The following DLG5 variants were observed in gnomAD, a reference collection of about 807,000 sequenced individuals.
The protein encoded by DLG5 is discs large MAGUK scaffold protein 5, also known as disks large homolog 5.
In DLG5, 48 loss-of-function variants were observed where a neutral mutation model predicts 189.8. The ratio of observed to expected loss-of-function variants is 0.25; its 90% confidence interval spans 0.20 to 0.32. The LOEUF is 0.32. Among genes scored for constraint, DLG5 ranks in the 10% least tolerant of loss-of-function variants. The pLI is 1.00. For missense variants in DLG5, 2,160 were observed against 2,544.7 expected, an observed-to-expected ratio of 0.85 and a Z score of 3.25; for synonymous variants, 1,016 against 1,054.1, an observed-to-expected ratio of 0.96 and a Z score of 0.70.
intron 1 of DLG5, among the ~76,000 whole-genome samples, chr10:77,924,811 T>C (rs1229382240): frequency 6.6e-6 from 1 of 151,124 alleles, no homozygotes; most frequent in Non-Finnish European, 1.5e-5. Flanking sequence ...ACCAATGAAA[T>C]GACCTGCTGT....
chr10:77,900,719 G>A (rs186685943), intron 1 of DLG5, among the ~76,000 whole-genome samples: 5 of 152,208 alleles, frequency 3.3e-5, no homozygotes, highest in Non-Finnish European at 5.9e-5. Context: ...GGCATATCAC[G>A]AGGTCAGGAG....
chr10:77,864,202 A>T (rs930528074), intron 2 of DLG5, among the ~76,000 whole-genome samples: 1 of 152,006 alleles, frequency 6.6e-6, no homozygotes, highest in Non-Finnish European at 1.5e-5. Context: ...CCTCACTGTC[A>T]TGCTCCCACT....
chr10:77,894,634 CCT>C (rs1564581088), intron 1 of DLG5, among the ~76,000 whole-genome samples: 1 of 150,418 alleles, frequency 6.6e-6, no homozygotes, highest in Non-Finnish European at 1.5e-5. Context: ...TGGAAGCAGC[CCT>C]CTCTCTGCTG....
At chr10:77,857,403 G>A (rs959223030) in intron 2 of DLG5, among the ~76,000 whole-genome samples, 1 of 152,188 alleles carries the variant, frequency 6.6e-6, no homozygotes, top group African/African-American at 2.4e-5. Context: ...CGCCCTCCTC[G>A]ACCAGGGCTG....
In DLG5 at chr10:77,811,097, G is replaced by T; in HGVS notation, c.4460C>A (p.Ser1487Tyr). 1 of 1,611,368 alleles carries T rather than the reference G, an allele frequency of 6.2e-7. No homozygotes were observed. The change falls in exon 23 of 32, where the codon TCC (serine) becomes TAC (tyrosine). Residue 1487 changes from serine to tyrosine, a missense_variant. This residue lies in a region of DLG5 where 574 missense variants were observed against 644.2 expected (regional missense o/e 0.89). Transcript: ENST00000372391. ...PSTPPAKQSS[S>Y]RIAGDANKKT... Reference sequence around the variant, plus strand: ...GCTCACAGCAACGTCTGCTGACCTGGAGCTGCTCTGCTTGGCTGGGGGGGT... The same window carrying T: ...GCTCACAGCAACGTCTGCTGACCTGTAGCTGCTCTGCTTGGCTGGGGGGGT...
chr10:77,930,268 A>G (rs1250166189), upstream of DLG5, among the ~76,000 whole-genome samples: 1 of 151,692 alleles, frequency 6.6e-6, no homozygotes, highest in Non-Finnish European at 1.5e-5. Flanking sequence ...TCCACATCTC[A>G]TAGACTGCTC....
rs1842846022 is a variant in DLG5 at position 77,830,473 on chromosome 10, T to A, written c.1882-129A>T. 2.1e-6 allele frequency: 3 copies of A among 1,417,078 alleles called. No individual in the cohort carries two copies. In the Admixed American group the frequency reaches 6.2e-5, roughly 29 times the overall value. The allele number at this position is 1,417,078 out of a possible 1,614,324, so 87.8% of individuals were successfully genotyped here. The stretch of plus-strand genomic sequence containing the variant: ...TCACCTCATCTGATAAGACACTCCA[T>A]CCCCAGGATGGAAACCTATGAGTAT... On this transcript the variant is annotated intron_variant, in intron 10 of 31. Coordinates refer to ENST00000372391, the MANE Select transcript of DLG5 (RefSeq NM_004747.4).
chr10:77,836,128 G>A (rs1843123404), intron 7 of DLG5, among the ~76,000 whole-genome samples: 1 of 152,072 alleles, frequency 6.6e-6, no homozygotes, highest in African/African-American at 2.4e-5. Context: ...CCCCCGCCAT[G>A]TCTGTGATCC....
At chr10:77,912,266 T>C (rs188162569) in intron 1 of DLG5, 50 of 151,580 alleles carry the variant, frequency 3.3e-4, no homozygotes, top group African/African-American at 9.7e-4. Context: ...AATTTATTTA[T>C]AGAGATGGGG....
chr10:77,900,389 T>C (rs1305431616), intron 1 of DLG5, among the ~76,000 whole-genome samples: 1 of 152,166 alleles, frequency 6.6e-6, no homozygotes, highest in African/African-American at 2.4e-5. Flanking sequence ...TTCTCCTGCC[T>C]GGAACGCACC....
chr10:77,936,855 A>G, the DLG5 span, among the ~76,000 whole-genome samples: 4 of 152,050 alleles, frequency 2.6e-5, no homozygotes, highest in African/African-American at 9.7e-5. Context: ...CATTCCTACA[A>G]TGTGTCTCTT....
intron 7 of DLG5, among the ~76,000 whole-genome samples, chr10:77,836,273 T>C (rs572208732): frequency 6.6e-6 from 1 of 152,276 alleles, no homozygotes; most frequent in African/African-American, 2.4e-5. Context: ...CCTAGAGAGT[T>C]ATATGCTCCA....
chr10:77,819,705 G>A lies in DLG5; in HGVS notation c.3526+190C>T, dbSNP rs536043833. 1.4e-4 allele frequency: 162 copies of A among 1,117,852 alleles called. 3 individuals are homozygous for A. In the South Asian group the frequency reaches 2.4e-3, roughly 16 times the overall value. 69.2% of individuals were successfully genotyped at this position (1,117,852 alleles called of 1,614,324 possible). ...CCAGGTTGCTATGGGGAGAAAGCAT[G>A]TTGACAAGCTAAGACATGTCATGGC... On this transcript the variant is annotated intron_variant, in intron 16 of 31. Transcript: ENST00000372391.
intron 1 of DLG5, among the ~76,000 whole-genome samples, chr10:77,869,826 C>T (rs1844828990): frequency 6.6e-6 from 1 of 152,072 alleles, no homozygotes. Flanking sequence ...GGTTTGAATT[C>T]AAATATCTTC....
intron 1 of DLG5, among the ~76,000 whole-genome samples, chr10:77,920,771 T>C (rs1430860719): frequency 6.6e-6 from 1 of 152,206 alleles, no homozygotes; most frequent in Non-Finnish European, 1.5e-5. Context: ...CAGAGGGGCC[T>C]GAGGTCATGT....
intron 20 of DLG5, among the ~76,000 whole-genome samples, chr10:77,815,129 T>G (rs2154575414): frequency 6.6e-6 from 1 of 152,070 alleles, no homozygotes; most frequent in East Asian, 1.9e-4. Context: ...TTTCCACAAC[T>G]GAAGAACCCA....
intron 5 of DLG5, among the ~76,000 whole-genome samples, chr10:77,852,936 G>A (rs906606482): frequency 6.6e-6 from 1 of 152,146 alleles, no homozygotes; most frequent in Non-Finnish European, 1.5e-5. Context: ...TAAGAGGGCC[G>A]GGAAACAGTG....
Position 77,821,210 on chromosome 10 carries a change from T to C in DLG5, c.3274A>G (p.Lys1092Glu). Reference protein sequence around the residue: ...DGDSSHLPAKKSCDEDLTSQK... With the variant: ...DGDSSHLPAKESCDEDLTSQK... ...GAGGTGAGGTCCTCATCACAGGATT[T>C]CTTGGCCGGCAGGTGGGAGGAGTCC... Residue 1092 changes from lysine to glutamate, a missense_variant, in exon 15 of 32, where the codon AAA becomes GAA. Lys to Glu is a moderately conservative substitution (Grantham distance 56). This residue lies in a region of DLG5 where 754 missense variants were observed against 746.5 expected (regional missense o/e 1.01). Coordinates refer to ENST00000372391, the MANE Select transcript of DLG5 (RefSeq NM_004747.4). 6.2e-7 allele frequency: 1 copy of C among 1,614,144 alleles called. No individual in the cohort carries two copies. Among genetic ancestry groups the C allele is most frequent in the Non-Finnish European group, 8.5e-7 (1 of 1,180,028 alleles).
At chr10:77,885,201 CAG>C (rs1254537024) in intron 1 of DLG5, among the ~76,000 whole-genome samples, 2 of 152,206 alleles carry the variant, frequency 1.3e-5, no homozygotes, top group African/African-American at 4.8e-5. Flanking sequence ...CATGGGCCCT[CAG>C]CTAGAGCATG....
Sources: gnomAD v4.1 joint callset for allele counts (sites outside exome capture counted in the v4.1 genomes callset) on GRCh38, gnomAD v4.1.1 for gene constraint, gnomAD v4.1.1 regional missense constraint, MANE v1.5 for transcripts, NCBI Gene and HGNC (gene_info 2026-07-23, HGNC 2026-07-21) for gene names.